Variants in SGCZ observed in about 807,000 individuals in gnomAD.
The protein encoded by SGCZ is sarcoglycan zeta, also known as zeta-sarcoglycan.
SGCZ carries 40 observed loss-of-function variants against 41.3 expected under a neutral mutation model. The observed-to-expected ratio is 0.97, with a 90% CI of 0.75 to 1.26. SGCZ has a LOEUF of 1.26. Ranked by LOEUF, SGCZ falls within the 50% of genes most tolerant of loss-of-function variation. The pLI is 0.00. For missense variants in SGCZ, 552 were observed against 369.8 expected (o/e 1.49, Z -4.04); for synonymous variants, 206 against 137.5 (o/e 1.50, Z -3.49).
intron 1 of SGCZ, among the ~76,000 whole-genome samples, chr8:14,970,724 C>T (rs1437819082): frequency 1.3e-5 from 2 of 152,080 alleles, no homozygotes; most frequent in Non-Finnish European, 2.9e-5. Flanking sequence ...GTCTTGATAT[C>T]AGAGAGTCTT....
At chr8:14,725,369 C>T (rs1220368138) in intron 1 of SGCZ, among the ~76,000 whole-genome samples, 2 of 152,096 alleles carry the variant, frequency 1.3e-5, no homozygotes, top group Non-Finnish European at 2.9e-5. Context: ...ATTGCTGGAT[C>T]ATATGGTTGT....
intron 1 of SGCZ, among the ~76,000 whole-genome samples, chr8:15,190,538 T>G (rs1176060827): frequency 6.6e-6 from 1 of 151,940 alleles, no homozygotes; most frequent in African/African-American, 2.4e-5. Context: ...CTTGAAAGAG[T>G]GGCCCAGAGA....
intron 1 of SGCZ, among the ~76,000 whole-genome samples, chr8:14,949,954 G>GT (rs1217306144): frequency 1.3e-5 from 2 of 151,982 alleles, no homozygotes; most frequent in African/African-American, 2.4e-5. Flanking sequence ...GAAGTGAACT[G>GT]TTTTTTCTTT....
chr8:14,717,858 C>G (rs1809742323), intron 1 of SGCZ, among the ~76,000 whole-genome samples: 1 of 151,986 alleles, frequency 6.6e-6, no homozygotes, highest in Non-Finnish European at 1.5e-5. Flanking sequence ...TTCCTAAATT[C>G]TCCTATAACT....
At chr8:14,168,303 C>A (rs890319565) in intron 4 of SGCZ, among the ~76,000 whole-genome samples, 1 of 151,986 alleles carries the variant, frequency 6.6e-6, no homozygotes, top group Non-Finnish European at 1.5e-5. Flanking sequence ...TAAAACAAAA[C>A]AAAATAAGCT....
At chr8:14,725,354 G>T (rs75301967) in intron 1 of SGCZ, among the ~76,000 whole-genome samples, 613 of 152,258 alleles carry the variant, frequency 4.0e-3, no homozygotes, top group Non-Finnish European at 6.8e-3. Flanking sequence ...ATACCAAGGA[G>T]TGAAATTGCT....
intron 1 of SGCZ, among the ~76,000 whole-genome samples, chr8:14,955,573 G>C (rs759886969): frequency 3.3e-5 from 5 of 152,166 alleles, no homozygotes; most frequent in Admixed American, 6.6e-5. Context: ...GGTGTTCTCA[G>C]ATTTCAATTT....
chr8:14,646,341 TG>T (rs1318602921), intron 1 of SGCZ, among the ~76,000 whole-genome samples: 3 of 151,886 alleles, frequency 2.0e-5, no homozygotes, highest in Non-Finnish European at 4.4e-5. Context: ...CTTAGGATAA[TG>T]GACTCCAGCT....
At chr8:14,094,542 G>A (rs1801784997) in intron 7 of SGCZ, among the ~76,000 whole-genome samples, 1 of 152,084 alleles carries the variant, frequency 6.6e-6, no homozygotes, top group African/African-American at 2.4e-5. Context: ...TCATTGATGG[G>A]CATTTGGGTT....
chr8:15,025,600 G>C (rs1803426641), intron 1 of SGCZ, among the ~76,000 whole-genome samples: 1 of 152,166 alleles, frequency 6.6e-6, no homozygotes, highest in African/African-American at 2.4e-5. Flanking sequence ...CCAGTGATTT[G>C]ATGACAACCA....
chr8:14,613,454 A>G (rs1025418606), intron 1 of SGCZ, among the ~76,000 whole-genome samples: 2 of 152,198 alleles, frequency 1.3e-5, no homozygotes, highest in Non-Finnish European at 2.9e-5. Context: ...TTTTGGGACC[A>G]TGAAATTCAG....
At chr8:14,929,467 G>A (rs1370046818) in intron 1 of SGCZ, among the ~76,000 whole-genome samples, 1 of 150,824 alleles carries the variant, frequency 6.6e-6, no homozygotes, top group Non-Finnish European at 1.5e-5. Flanking sequence ...CCGAATGCCT[G>A]GGAAATAAAT....
chr8:14,894,538 A>G (rs549859813), intron 1 of SGCZ, among the ~76,000 whole-genome samples: 96 of 152,260 alleles, frequency 6.3e-4, no homozygotes, highest in African/African-American at 2.3e-3. Context: ...TCAGGTCACA[A>G]TGAACAGGAG....
chr8:14,141,121 G>T (rs1420149523), intron 5 of SGCZ, among the ~76,000 whole-genome samples: 6 of 152,184 alleles, frequency 3.9e-5, no homozygotes, highest in Non-Finnish European at 8.8e-5. Context: ...CTAGCCATAT[G>T]TAGAAAGCTG....
At chr8:14,676,099 A>G (rs73202815) in intron 1 of SGCZ, among the ~76,000 whole-genome samples, 6,603 of 152,338 alleles carry the variant, frequency 0.043, 205 homozygotes, top group Non-Finnish European at 0.074. Flanking sequence ...GGATCAACCC[A>G]ACTCAGGAAT....
chr8:14,975,873 TACACAC>T lies in SGCZ; in HGVS notation c.39+261706_39+261711del, dbSNP rs10542601. Among the ~76,000 whole-genome samples the T allele has an allele frequency of 2.8e-3, 390 of 141,304 alleles. 1 individual carries two copies. The highest frequency in any genetic ancestry group is 4.0e-3 in the South Asian group (18 of 4,456). 92.7% of individuals were successfully genotyped at this position (141,304 alleles called of 152,430 possible). A position where few individuals can be genotyped will look rare whatever the true frequency, so the allele number is the denominator to read the frequency against. ...CAGGCTTTAAAATCAAGAAAAATTT[TACACAC>T]ACACACACACACACACATATATATA... is the stretch of plus-strand genomic sequence containing the variant. On this transcript the variant is annotated intron_variant, in intron 1 of 7. Coordinates refer to ENST00000382080, the MANE Select transcript of SGCZ (RefSeq NM_139167.4).
chr8:14,294,934 G>A (rs1800962139), intron 3 of SGCZ, among the ~76,000 whole-genome samples: 1 of 152,086 alleles, frequency 6.6e-6, no homozygotes, highest in East Asian at 1.9e-4. Context: ...TAACAGGTAT[G>A]TGTAGCAACA....
intron 3 of SGCZ, among the ~76,000 whole-genome samples, chr8:14,284,206 T>C (rs542943476): frequency 6.6e-6 from 1 of 152,288 alleles, no homozygotes; most frequent in Non-Finnish European, 1.5e-5. Context: ...GCCTAGGTAA[T>C]ATAGTGGAAC....
At chr8:14,208,716 A>C (rs1175958999) in intron 4 of SGCZ, among the ~76,000 whole-genome samples, 2 of 152,158 alleles carry the variant, frequency 1.3e-5, no homozygotes, top group African/African-American at 4.8e-5. Flanking sequence ...TTTTATCATA[A>C]AATTATTTTT....
Sources: gnomAD v4.1 joint callset for allele counts (sites outside exome capture counted in the v4.1 genomes callset) on GRCh38, gnomAD v4.1.1 for gene constraint, MANE v1.5 for transcripts, NCBI Gene and HGNC (gene_info 2026-07-23, HGNC 2026-07-21) for gene names.